Variants in GOLT1A observed in about 807,000 individuals in gnomAD.
GOLT1A encodes the protein golgi transport 1A, also known as vesicle transport protein GOT1A.
Under a neutral mutation model 16.1 loss-of-function variants are expected in GOLT1A, and 10 were observed. That is an observed-to-expected ratio of 0.62 (90% CI 0.38 to 1.05). The LOEUF is 1.05. Ranked by LOEUF, GOLT1A falls within the 50% of genes least tolerant of loss-of-function variation. GOLT1A has a pLI of 0.01. For missense variants in GOLT1A, 137 were observed against 165.7 expected (o/e 0.83, Z 0.95); for synonymous variants, 60 against 67.9 (o/e 0.88, Z 0.57).
rs189320238 is a variant in GOLT1A, at chr1:204,211,163, C to G, written c.25+2719G>C. 1.4e-3 allele frequency among the ~76,000 whole-genome samples: 217 copies of G among 152,292 alleles called. 1 individual carries two copies. The South Asian group carries it at 0.023, about 16-fold the overall frequency. On this transcript the variant is annotated intron_variant, in intron 1 of 4. Transcript: ENST00000308302. ...CCTCCTGCTTTATTCCTGCACCCTC[C>G]CAGTCCTTCTCCACACGGCGCTCAA...
chr1:204,209,520 T>C (rs1027864786), intron 1 of GOLT1A, among the ~76,000 whole-genome samples: 2 of 152,240 alleles, frequency 1.3e-5, no homozygotes, highest in African/African-American at 2.4e-5. Context: ...AAGAGCCTCA[T>C]TCACTTTTTA....
chr1:204,205,441 G>A (rs530055077), intron 1 of GOLT1A, among the ~76,000 whole-genome samples: 2 of 152,254 alleles, frequency 1.3e-5, no homozygotes, highest in South Asian at 4.1e-4. Flanking sequence ...TCATGGTCTT[G>A]ATGCCCTCGT....
At position 204,201,676 on chromosome 1, in the gene GOLT1A, G is replaced by A. The variant is rs764305624; in HGVS notation, c.253C>T (p.Leu85Phe). The A allele has an allele frequency of 6.2e-7, 1 of 1,614,178 alleles. No individual in the cohort carries two copies. Among genetic ancestry groups the A allele is most frequent in the Non-Finnish European group, 8.5e-7 (1 of 1,180,018 alleles). The change falls in exon 3 of 5, where the codon CTC becomes TTC. Residue 85 changes from leucine (L) to phenylalanine (F), a missense_variant. By Grantham distance (22) the Leu-to-Phe change is conservative. Coordinates refer to ENST00000308302, the MANE Select transcript of GOLT1A (RefSeq NM_198447.2). ...VVIVLLRWPLLGMFLETYGFF... is the reference protein window; with the variant it reads ...VVIVLLRWPLFGMFLETYGFF... ...CCGTAGGTTTCCAGGAACATGCCGA[G>A]GAGGGGCCAGCGTAGGAGCACGATA...
At chr1:204,199,482 TGGCACCATATACACTTG>T (rs1255912583) in intron 3 of GOLT1A, among the ~76,000 whole-genome samples, 2 of 152,202 alleles carry the variant, frequency 1.3e-5, no homozygotes, top group Non-Finnish European at 2.9e-5. Context: ...TACCACTTAC[TGGCACCATATACACTTG>T]GGCAAATTCC....
Position 204,198,330 on chromosome 1 carries a change from C to A in GOLT1A, c.*128G>T. ...GTCAGTTGCTCAGCTCCATTCCTTC[C>A]TTCTGGACTTGGGGAGGTCCGGATA... On this transcript the variant is annotated 3_prime_UTR_variant, in exon 5 of 5. Transcript: ENST00000308302. The A allele has an allele frequency of 1.2e-6, 1 of 855,500 alleles. No individual in the cohort carries two copies. 53.0% of individuals were successfully genotyped at this position (855,500 alleles called of 1,614,324 possible). A position where few individuals can be genotyped will look rare whatever the true frequency, so the allele number is the denominator to read the frequency against.
At chr1:204,210,881 A>G (rs1314278068) in intron 1 of GOLT1A, among the ~76,000 whole-genome samples, 2 of 152,004 alleles carry the variant, frequency 1.3e-5, no homozygotes, top group African/African-American at 2.4e-5. Context: ...CTAATCTTCA[A>G]TCCCAAACTG....
chr1:204,208,476 G>GTGTGTGTATATATATA (rs1286299770), intron 1 of GOLT1A, among the ~76,000 whole-genome samples: 25 of 39,928 alleles, frequency 6.3e-4, no homozygotes, highest in African/African-American at 1.8e-3. Flanking sequence ...GTGTGTGTGT[G>GTGTGTGTATATATATA]TATATATATA....
intron 2 of GOLT1A, among the ~76,000 whole-genome samples, 160 bp downstream of exon 2, chr1:204,202,736 C>T (rs2102336182): frequency 6.6e-6 from 1 of 152,206 alleles, no homozygotes; most frequent in East Asian, 1.9e-4. Flanking sequence ...TGATGTCTGA[C>T]CCCTGGATAG....
intron 3 of GOLT1A, among the ~76,000 whole-genome samples, chr1:204,199,510 T>G (rs1297973576): frequency 6.6e-6 from 1 of 152,182 alleles, no homozygotes; most frequent in Non-Finnish European, 1.5e-5. Context: ...GGCAAATTCC[T>G]TAACTTCTCT....
rs761836133 is a variant in GOLT1A at position 204,201,766 on chromosome 1, T to A, written c.163A>T (p.Thr55Ser). The A allele has an allele frequency of 6.2e-7, 1 of 1,613,916 alleles. No individual in the cohort carries two copies. Among genetic ancestry groups the A allele is most frequent in the South Asian group, 1.1e-5 (1 of 91,068 alleles). The change falls in exon 3 of 5, where the codon ACC becomes TCC. Residue 55 changes from threonine to serine, a missense_variant. Coordinates refer to ENST00000308302, the MANE Select transcript of GOLT1A (RefSeq NM_198447.2). Reference sequence around the variant, plus strand: ...TGCCGTTGGAAGAAGAACCAAAAGGTCTTCCTCAGGCCAATGATGAGGGAC... The same window carrying A: ...TGCCGTTGGAAGAAGAACCAAAAGGACTTCCTCAGGCCAATGATGAGGGAC... ...GLSLIIGLRK[T>S]FWFFFQRHKL...
chr1:204,210,376 T>A (rs1659120529), intron 1 of GOLT1A, among the ~76,000 whole-genome samples: 1 of 152,218 alleles, frequency 6.6e-6, no homozygotes, highest in African/African-American at 2.4e-5. Context: ...CCAAGCTCAC[T>A]TCTCTTCTCA....
At chr1:204,212,898 A>C (rs1659161700) in intron 1 of GOLT1A, among the ~76,000 whole-genome samples, 1 of 152,054 alleles carries the variant, frequency 6.6e-6, no homozygotes, top group South Asian at 2.1e-4. Context: ...TTGTTCTTCA[A>C]ACACACCAAG....
chr1:204,207,114 A>T (rs908446747), intron 1 of GOLT1A, among the ~76,000 whole-genome samples: 1 of 152,224 alleles, frequency 6.6e-6, no homozygotes. Context: ...CAAGTTATCC[A>T]GCCAGAGGTT....
chr1:204,204,173 G>A (rs1360294492), intron 1 of GOLT1A, among the ~76,000 whole-genome samples: 1 of 151,926 alleles, frequency 6.6e-6, no homozygotes, highest in Admixed American at 6.6e-5. Context: ...TTAAATTGTG[G>A]CAACGTGCAC....
intron 1 of GOLT1A, among the ~76,000 whole-genome samples, chr1:204,212,793 G>T (rs1037782159): frequency 2.0e-5 from 3 of 152,134 alleles, no homozygotes; most frequent in Middle Eastern, 3.4e-3. Flanking sequence ...TGGTCTATAA[G>T]TCTCCAGTGT....
At chr1:204,201,594 TTGG>T (rs754354542) in intron 3 of GOLT1A, 36 bp downstream of exon 3, 1 of 1,597,212 alleles carries the variant, frequency 6.3e-7, no homozygotes, top group South Asian at 1.1e-5. Context: ...CTCAGACACT[TTGG>T]TGGGTCTGTC....
intron 1 of GOLT1A, among the ~76,000 whole-genome samples, chr1:204,209,631 C>T (rs1477363951): frequency 6.6e-6 from 1 of 152,176 alleles, no homozygotes; most frequent in African/African-American, 2.4e-5. Flanking sequence ...ATTTTCATAA[C>T]TACCTGTGAC....
In GOLT1A at chr1:204,204,769, T is replaced by C. The variant is rs569883586; in HGVS notation, c.26-1782A>G. 5.2e-5 allele frequency among the ~76,000 whole-genome samples: 8 copies of C among 152,382 alleles called. No individual in the cohort carries two copies. In the South Asian group the frequency reaches 1.7e-3, roughly 32 times the overall value. Reference sequence around the variant, plus strand: ...TTTGTTTTCCATTGTGACTGCACCATTTAACATTCCCAGCAACAGTACACA... The same window carrying C: ...TTTGTTTTCCATTGTGACTGCACCACTTAACATTCCCAGCAACAGTACACA... On this transcript the variant is annotated intron_variant, in intron 1 of 4. Transcript: ENST00000308302.
At chr1:204,211,188 A>C (rs888199560) in intron 1 of GOLT1A, among the ~76,000 whole-genome samples, 1 of 151,944 alleles carries the variant, frequency 6.6e-6, no homozygotes, top group Non-Finnish European at 1.5e-5. Flanking sequence ...ACGGCGCTCA[A>C]AGGTCTTGCA....
Sources: gnomAD v4.1 joint callset for allele counts (sites outside exome capture counted in the v4.1 genomes callset) on GRCh38, gnomAD v4.1.1 for gene constraint, MANE v1.5 for transcripts, NCBI Gene and HGNC (gene_info 2026-07-23, HGNC 2026-07-21) for gene names.